AUTS2: variants seen among roughly 807,000 people sequenced by gnomAD.
The protein encoded by AUTS2 is activator of transcription and developmental regulator AUTS2, also known as autism susceptibility gene 2 protein.
AUTS2 carries 17 observed loss-of-function variants against 112.4 expected under a neutral mutation model. That is an observed-to-expected ratio of 0.15 (90% confidence interval 0.10 to 0.23). The LOEUF is 0.23. AUTS2 is among the 10% of genes least tolerant of loss of function. AUTS2 has a pLI of 1.00. For synonymous variants in AUTS2, 751 were observed against 702.7 expected, an observed-to-expected ratio of 1.07 and a Z score of -1.09; for missense variants, 1,510 against 1,701.6, an observed-to-expected ratio of 0.89 and a Z score of 1.98.
chr7:70,001,174 G>A (rs1799174605), intron 2 of AUTS2, among the ~76,000 whole-genome samples: 1 of 152,146 alleles, frequency 6.6e-6, no homozygotes, highest in Admixed American at 6.6e-5. Flanking sequence ...TACCCAGGCT[G>A]GAGTGCAGAG....
intron 4 of AUTS2, among the ~76,000 whole-genome samples, chr7:70,367,130 A>G (rs762187630): frequency 5.9e-5 from 9 of 152,164 alleles, no homozygotes; most frequent in Non-Finnish European, 1.0e-4. Context: ...TACTAAAAGT[A>G]TAAAAATTAG....
chr7:69,921,762 TAAAA>T (rs35008506), intron 2 of AUTS2, among the ~76,000 whole-genome samples: 1 of 100,550 alleles, frequency 9.9e-6, no homozygotes, highest in Admixed American at 1.2e-4. Flanking sequence ...ACTCTGTCTT[TAAAA>T]AAAAAAAAAA....
chr7:69,994,344 T>C (rs1798857894), intron 2 of AUTS2, among the ~76,000 whole-genome samples: 1 of 152,242 alleles, frequency 6.6e-6, no homozygotes, highest in Admixed American at 6.5e-5. Context: ...TGAATAATAG[T>C]TTCTTGTCCT....
Position 70,614,690 on chromosome 7 carries a change from G to T in AUTS2, c.691-83879G>T, listed in dbSNP as rs548837848. 3.3e-5 allele frequency among the ~76,000 whole-genome samples: 5 copies of T among 152,292 alleles called. No homozygotes were observed. The East Asian group carries it at 9.7e-4, about 29-fold the overall frequency. On this transcript the variant is annotated intron_variant, in intron 5 of 18. Transcript: ENST00000342771. ...CTTAGCCTGGGTCTGGCGCATCAGG[G>T]CCTATTAGTACTGATGCTGGGCTGT...
chr7:70,342,338 C>T (rs1310057657), intron 4 of AUTS2, among the ~76,000 whole-genome samples: 15 of 142,856 alleles, frequency 1.1e-4, no homozygotes, highest in Non-Finnish European at 2.0e-4. Flanking sequence ...TTTTTTTTTG[C>T]GGGGGGGAAG....
intron 4 of AUTS2, among the ~76,000 whole-genome samples, chr7:70,303,433 C>A (rs568198008): frequency 7.8e-6 from 1 of 128,948 alleles, no homozygotes; most frequent in Non-Finnish European, 1.6e-5. Flanking sequence ...CGCGCGCGCG[C>A]GCACATACAC....
At chr7:69,968,612 C>T (rs908482891) in intron 2 of AUTS2, among the ~76,000 whole-genome samples, 11 of 152,108 alleles carry the variant, frequency 7.2e-5, no homozygotes, top group African/African-American at 2.2e-4. Flanking sequence ...AGGATCCTAA[C>T]GTGTGCCTCC....
chr7:70,094,641 G>T (rs1342383412), intron 2 of AUTS2, among the ~76,000 whole-genome samples: 1 of 152,102 alleles, frequency 6.6e-6, no homozygotes, highest in Non-Finnish European at 1.5e-5. Flanking sequence ...ATTTTATTAT[G>T]ATCCATAAAG....
At chr7:70,536,005 A>G (rs1800300470) in intron 5 of AUTS2, among the ~76,000 whole-genome samples, 1 of 152,148 alleles carries the variant, frequency 6.6e-6, no homozygotes, top group African/African-American at 2.4e-5. Flanking sequence ...TCTAAATTAA[A>G]GGAGTCATAA....
At chr7:70,058,040 G>A (rs1288685804) in intron 2 of AUTS2, among the ~76,000 whole-genome samples, 1 of 152,172 alleles carries the variant, frequency 6.6e-6, no homozygotes, top group Admixed American at 6.5e-5. Flanking sequence ...ATAAAGCTAA[G>A]TAAACACATG....
Position 70,498,632 on chromosome 7 carries a change from A to G in AUTS2, c.690+62851A>G, listed in dbSNP as rs112124977. Reference sequence around the variant, plus strand: ...TTTTAAATGCCAGTCAGCTGCAACCACTAGTTAACTGGAGCCTGTTCAAAC... The same window carrying G: ...TTTTAAATGCCAGTCAGCTGCAACCGCTAGTTAACTGGAGCCTGTTCAAAC... On this transcript the variant is annotated intron_variant, in intron 5 of 18. Transcript: ENST00000342771. Among the ~76,000 whole-genome samples the G allele has an allele frequency of 2.3e-3, 355 of 152,214 alleles. 3 individuals carry two copies. The highest frequency in any genetic ancestry group is 8.2e-3 in the African/African-American group (339 of 41,516).
At chr7:70,490,610 C>T (rs774539127) in intron 5 of AUTS2, among the ~76,000 whole-genome samples, 48 of 152,178 alleles carry the variant, frequency 3.2e-4, no homozygotes, top group African/African-American at 6.3e-4. Context: ...CCATAGATGC[C>T]GAGACTGACA....
chr7:69,919,927 G>A (rs2129542711), intron 2 of AUTS2, among the ~76,000 whole-genome samples: 2 of 152,250 alleles, frequency 1.3e-5, no homozygotes, highest in Admixed American at 1.3e-4. Flanking sequence ...ATTATGCTGT[G>A]CACATGGTTA....
intron 1 of AUTS2, among the ~76,000 whole-genome samples, chr7:69,852,738 C>G (rs1792545371): frequency 6.6e-6 from 1 of 152,162 alleles, no homozygotes; most frequent in African/African-American, 2.4e-5. Context: ...TAGGTGTGAG[C>G]CACCGTGCCC....
At chr7:69,990,878 T>C (rs1798715543) in intron 2 of AUTS2, among the ~76,000 whole-genome samples, 1 of 152,178 alleles carries the variant, frequency 6.6e-6, no homozygotes, top group Non-Finnish European at 1.5e-5. Flanking sequence ...GTTCAAAAAC[T>C]GTTTGGATTT....
intron 4 of AUTS2, among the ~76,000 whole-genome samples, chr7:70,254,422 A>G (rs201510008): frequency 0.3 from 45,279 of 151,900 alleles, 6,953 homozygotes; most frequent in Middle Eastern, 0.37. Flanking sequence ...ACAAATACCT[A>G]CAAAGACCAT....
At chr7:69,926,424 AATCTATCTGTCTGTCTGTCTGTCTATCT>A (rs1796009785) in intron 2 of AUTS2, among the ~76,000 whole-genome samples, 1 of 148,786 alleles carries the variant, frequency 6.7e-6, no homozygotes, top group Admixed American at 6.7e-5. Context: ...TTTGCTCTGA[AATCTATCTGTCTGTCTGTCTGTCTATCT>A]ATCTATCTAT....
chr7:69,627,778 A>G (rs753213594), intron 1 of AUTS2, among the ~76,000 whole-genome samples: 5 of 152,174 alleles, frequency 3.3e-5, no homozygotes, highest in Non-Finnish European at 5.9e-5. Flanking sequence ...GCCACTACCT[A>G]GCTGTGTGAC....
intron 4 of AUTS2, among the ~76,000 whole-genome samples, chr7:70,347,499 T>C (rs1024956894): frequency 6.6e-6 from 1 of 152,164 alleles, no homozygotes; most frequent in Non-Finnish European, 1.5e-5. Flanking sequence ...TTTTTCTTTC[T>C]CCTCTGGCTT....
Sources: gnomAD v4.1 joint callset for allele counts (sites outside exome capture counted in the v4.1 genomes callset) on GRCh38, gnomAD v4.1.1 for gene constraint, MANE v1.5 for transcripts, NCBI Gene and HGNC (gene_info 2026-07-23, HGNC 2026-07-21) for gene names.